RAB36: variants seen among roughly 807,000 people sequenced by gnomAD.
RAB36 encodes ras-related protein Rab-36.
Under a neutral mutation model 39.3 loss-of-function variants are expected in RAB36, and 33 were observed. That is an observed-to-expected ratio of 0.84 (90% confidence interval 0.64 to 1.12). RAB36 has a LOEUF of 1.12. RAB36 is among the 50% of genes most tolerant of loss of function. The pLI is 0.00. For synonymous variants in RAB36, 133 were observed against 140.2 expected, an observed-to-expected ratio of 0.95 and a Z score of 0.36; for missense variants, 308 against 355.3, an observed-to-expected ratio of 0.87 and a Z score of 1.07.
intron 1 of RAB36, 110 bp downstream of exon 1, chr22:23,145,661 C>G: frequency 1.6e-6 from 2 of 1,277,020 alleles, no homozygotes; most frequent in South Asian, 2.9e-5. Flanking sequence ...CTTCCCGCCC[C>G]TATAACTTGA....
rs2071839874 is a variant in RAB36 at position 23,162,084 on chromosome 22, G to A, written c.*520G>A. 1 of 168,150 alleles carries A rather than the reference G, an allele frequency of 5.9e-6. No individual in the cohort carries two copies. Among genetic ancestry groups the A allele is most frequent in the South Asian group, 1.6e-4 (1 of 6,436 alleles). The allele number at this position is 168,150 out of a possible 1,614,324, so 10.4% of individuals were successfully genotyped here. On this transcript the variant is annotated 3_prime_UTR_variant, in exon 11 of 11. Coordinates refer to ENST00000263116, the MANE Select transcript of RAB36 (RefSeq NM_004914.5). ...CCCTGGGAGTTTTCTGTTGTCAGCAGGACTTATGGTTCTGGGTCTCAGAGC... is the reference window on the plus strand; with the variant it reads ...CCCTGGGAGTTTTCTGTTGTCAGCAAGACTTATGGTTCTGGGTCTCAGAGC...
intron 7 of RAB36, among the ~76,000 whole-genome samples, 191 bp from the exon 8 acceptor site, chr22:23,158,707 C>A (rs914588853): frequency 3.3e-5 from 5 of 152,214 alleles, no homozygotes; most frequent in African/African-American, 1.2e-4. Flanking sequence ...GGTATTCCCA[C>A]CCCTTTGGGT....
intron 5 of RAB36, 83 bp downstream of exon 5, chr22:23,153,217 C>T (rs2071264064): frequency 1.9e-6 from 2 of 1,057,680 alleles, no homozygotes; most frequent in Non-Finnish European, 2.9e-6. Context: ...TTCACTGTGT[C>T]CATGTCAAGG....
chr22:23,147,205 TC>T (rs2070831233), intron 2 of RAB36, among the ~76,000 whole-genome samples: 1 of 152,230 alleles, frequency 6.6e-6, no homozygotes, highest in Non-Finnish European at 1.5e-5. Flanking sequence ...CTCTCTTGTG[TC>T]TGTATTAAAA....
chr22:23,149,966 A>G (rs1425083829), intron 2 of RAB36, 97 bp from the exon 3 acceptor site: 18 of 955,314 alleles, frequency 1.9e-5, no homozygotes, highest in Non-Finnish European at 3.0e-5. Context: ...AGGCCTAGGA[A>G]GGAAGGCTGG....
In RAB36 at chr22:23,156,142, C is replaced by T. The variant is rs201693487; in HGVS notation, c.394+110C>T. ...GCACAGGCACCAGTTTTTTGTCCTC[C>T]AAGACCCACTGAGAAAACACCAGGC... On this transcript the variant is annotated intron_variant, in intron 6 of 10. Transcript: ENST00000263116. 2,720 of 853,470 alleles carry T rather than the reference C, an allele frequency of 3.2e-3. 10 individuals are homozygous for T. The highest frequency in any genetic ancestry group is 6.2e-3 in the African/African-American group (315 of 50,640). 52.9% of individuals were successfully genotyped at this position (853,470 alleles called of 1,614,324 possible).
At position 23,160,816 on chromosome 22, in the gene RAB36, C is replaced by T. The variant is rs1034266395; in HGVS notation, c.620-63C>T. 29 of 1,572,406 alleles carry T rather than the reference C, an allele frequency of 1.8e-5. No homozygotes were observed. In the Admixed American group the frequency reaches 2.8e-4, roughly 15 times the overall value. ...GGGTAGGCTAGCCTGGCTTTCACAC[C>T]CAGATGCATTAAGGGGCAAGGAGAA... On this transcript the variant is annotated intron_variant, in intron 9 of 10. Transcript: ENST00000263116.
At chr22:23,155,292 C>T (rs2071391557) in intron 5 of RAB36, among the ~76,000 whole-genome samples, 1 of 152,170 alleles carries the variant, frequency 6.6e-6, no homozygotes, top group African/African-American at 2.4e-5. Context: ...TGTTCTAAGC[C>T]AGGGCAGGTA....
At chr22:23,155,173 T>C (rs2071384918) in intron 5 of RAB36, among the ~76,000 whole-genome samples, 1 of 152,208 alleles carries the variant, frequency 6.6e-6, no homozygotes, top group Non-Finnish European at 1.5e-5. Flanking sequence ...TTGTGACTTG[T>C]CTACTTTGCA....
chr22:23,152,646 T>G (rs5759603), intron 4 of RAB36, 120 bp downstream of exon 4: 372,952 of 957,338 alleles, frequency 0.39, 78,262 homozygotes, highest in African/African-American at 0.69. Flanking sequence ...GGAACTGCTG[T>G]GCCTCAGCCT....
intron 6 of RAB36, 79 bp from the exon 7 acceptor site, chr22:23,157,913 G>A: frequency 6.2e-7 from 1 of 1,600,632 alleles, no homozygotes; most frequent in South Asian, 1.1e-5. Context: ...AGTTCCTTGG[G>A]AGCTGGGCAC....
chr22:23,153,180 C>T (rs1228523404), intron 5 of RAB36, 46 bp downstream of exon 5: 1 of 1,429,740 alleles, frequency 7.0e-7, no homozygotes, highest in African/African-American at 1.4e-5. Flanking sequence ...TTCCTACAGG[C>T]ACCTGAGAAA....
chr22:23,160,977 G>T lies in RAB36; in HGVS notation c.718G>T (p.Val240Phe). The change falls in exon 10 of 11, where the codon GTC becomes TTC. Residue 240 changes from valine to phenylalanine, a missense_variant. Val to Phe is a conservative substitution (Grantham distance 50). Coordinates refer to ENST00000263116, the MANE Select transcript of RAB36 (RefSeq NM_004914.5). Reference protein sequence around the residue: ...LERQSSARLQVGNGDLIQMEG... With the variant: ...LERQSSARLQFGNGDLIQMEG... ...GAGGCAGAGCAGTGCCCGGCTCCAG[G>T]TCGGCAATGGAGACCTAATCCGTGA... 1.2e-6 allele frequency: 2 copies of T among 1,612,522 alleles called. No individual in the cohort carries two copies. The highest frequency in any genetic ancestry group is 1.7e-6 in the Non-Finnish European group (2 of 1,178,946).
At chr22:23,159,813 C>T (rs745551773) in intron 9 of RAB36, among the ~76,000 whole-genome samples, 1 of 152,244 alleles carries the variant, frequency 6.6e-6, no homozygotes, top group African/African-American at 2.4e-5. Context: ...CACTCCCCAC[C>T]GGGTCTACCC....
downstream of RAB36, among the ~76,000 whole-genome samples, chr22:23,166,723 T>C (rs577662000): frequency 6.6e-6 from 1 of 152,082 alleles, no homozygotes; most frequent in Non-Finnish European, 1.5e-5. Context: ...ACGATGTTGT[T>C]AACTGGTGCT....
intron 6 of RAB36, 144 bp downstream of exon 6, chr22:23,156,176 G>C: frequency 3.8e-6 from 2 of 533,034 alleles, no homozygotes; most frequent in Non-Finnish European, 6.4e-6. Context: ...GCCACTGCTT[G>C]GGAACAGGGA....
chr22:23,168,805 G>T (rs1569228015), downstream of RAB36, among the ~76,000 whole-genome samples: 1 of 152,192 alleles, frequency 6.6e-6, no homozygotes, highest in Non-Finnish European at 1.5e-5. Flanking sequence ...CCTGTCCCTG[G>T]GCACTGTCAG....
chr22:23,149,813 G>A (rs957959199), intron 2 of RAB36, among the ~76,000 whole-genome samples: 19 of 152,334 alleles, frequency 1.2e-4, no homozygotes, highest in South Asian at 2.1e-4. Context: ...AGGGAACTGC[G>A]GCCCCAGGTG....
At chr22:23,160,393 C>A (rs111384674) in intron 9 of RAB36, among the ~76,000 whole-genome samples, 1 of 152,176 alleles carries the variant, frequency 6.6e-6, no homozygotes, top group Non-Finnish European at 1.5e-5. Context: ...GGAAACCAGC[C>A]CGCTCTCTGA....
Sources: gnomAD v4.1 joint callset for allele counts (sites outside exome capture counted in the v4.1 genomes callset) on GRCh38, gnomAD v4.1.1 for gene constraint, MANE v1.5 for transcripts, NCBI Gene and HGNC (gene_info 2026-07-23, HGNC 2026-07-21) for gene names.